BFAR: variants seen among roughly 807,000 people sequenced by gnomAD.
BFAR encodes the protein RING finger protein 47.
A neutral mutation model predicts 54.4 loss-of-function variants in BFAR; 52 were observed. That is an observed-to-expected ratio of 0.96 (90% CI 0.77 to 1.21). The LOEUF is 1.21. Among genes scored for constraint, BFAR ranks in the 50% most tolerant of loss-of-function variants. The pLI is 0.00. For missense variants in BFAR, 571 were observed against 534.0 expected (o/e 1.07, Z -0.68); for synonymous variants, 215 against 204.3 (o/e 1.05, Z -0.45).
intron 2 of BFAR, among the ~76,000 whole-genome samples, chr16:14,645,135 G>A (rs1383013904): frequency 1.3e-5 from 2 of 152,042 alleles, no homozygotes; most frequent in Admixed American, 6.6e-5. Context: ...GCAACACGGT[G>A]AGTCCTTATC....
chr16:14,664,177 C>G (rs1469489946), intron 6 of BFAR, among the ~76,000 whole-genome samples: 2 of 151,946 alleles, frequency 1.3e-5, no homozygotes, highest in Non-Finnish European at 2.9e-5. Context: ...TGGTGGATCC[C>G]CAGACTCAGG....
At position 14,649,858 on chromosome 16, in the gene BFAR, G is replaced by C; in HGVS notation, c.523G>C (p.Val175Leu). The change falls in exon 4 of 8, where the codon GTC (valine) becomes CTC (leucine). Residue 175 changes from valine to leucine, a missense_variant. By Grantham distance (32) the Val-to-Leu change is conservative (BLOSUM62 1). Transcript: ENST00000261658. ...SSRESEHDLLVHKAVAKWTAE... is the reference protein window; with the variant it reads ...SSRESEHDLLLHKAVAKWTAE... ...CAGGGAATCTGAACACGACCTCCTG[G>C]TCCACAAGGCTGTGGCCAAATGGAC... 1.9e-6 allele frequency: 3 copies of C among 1,612,878 alleles called. No individual in the cohort carries two copies. The highest frequency in any genetic ancestry group is 4.5e-5 in the East Asian group (2 of 44,826).
At chr16:14,661,749 G>T in intron 5 of BFAR, 143 bp from the exon 6 acceptor site, 2 of 874,362 alleles carry the variant, frequency 2.3e-6, no homozygotes, top group Non-Finnish European at 1.8e-6. Flanking sequence ...GGATCACTTG[G>T]CCTCTTCTTG....
chr16:14,662,253 A>G (rs1456955973), intron 6 of BFAR, among the ~76,000 whole-genome samples, 188 bp downstream of exon 6: 1 of 152,148 alleles, frequency 6.6e-6, no homozygotes, highest in Non-Finnish European at 1.5e-5. Context: ...ACCTGTTCAT[A>G]TCAAGTCACA....
Position 14,649,905 on chromosome 16 carries a change from G to T in BFAR, c.570G>T (p.Trp190Cys), listed in dbSNP as rs767714613. ...AKWTAEEVVL[W>C]LEQLGPWASL... ...GGACGGCGGAAGAAGTTGTCCTCTGGCTGGAGCAGCTGGGCCCTTGGGCAT... is the reference window on the plus strand; with the variant it reads ...GGACGGCGGAAGAAGTTGTCCTCTGTCTGGAGCAGCTGGGCCCTTGGGCAT... Residue 190 changes from tryptophan (W) to cysteine (C), a missense_variant, in exon 4 of 8, where the codon TGG (tryptophan) becomes TGT (cysteine). Coordinates refer to ENST00000261658, the MANE Select transcript of BFAR (RefSeq NM_016561.3). 2 of 1,613,756 alleles carry T rather than the reference G, an allele frequency of 1.2e-6. No homozygotes were observed. Among genetic ancestry groups the T allele is most frequent in the South Asian group, 2.2e-5 (2 of 90,952 alleles).
Position 14,667,926 on chromosome 16 carries a change from C to A in BFAR, c.*99C>A. ...GGGAGCGGACTTCCTATTTTCTACC[C>A]TCAGTAAAACAAGGTGCTGCTTTGT... On this transcript the variant is annotated 3_prime_UTR_variant, in exon 8 of 8. Coordinates refer to ENST00000261658, the MANE Select transcript of BFAR (RefSeq NM_016561.3). 1 of 1,260,274 alleles carries A rather than the reference C, an allele frequency of 7.9e-7. No homozygotes were observed. The highest frequency in any genetic ancestry group is 1.4e-5 in the South Asian group (1 of 72,212). The allele number at this position is 1,260,274 out of a possible 1,614,324, so 78.1% of individuals were successfully genotyped here.
chr16:14,651,376 A>T (rs1229111455), intron 4 of BFAR, among the ~76,000 whole-genome samples: 2 of 152,200 alleles, frequency 1.3e-5, no homozygotes, highest in African/African-American at 4.8e-5. Context: ...GGTATGGGGG[A>T]AGGGGCACAG....
At chr16:14,634,707 T>C (rs1959378565) in intron 1 of BFAR, among the ~76,000 whole-genome samples, 1 of 152,148 alleles carries the variant, frequency 6.6e-6, no homozygotes, top group Non-Finnish European at 1.5e-5. Flanking sequence ...CCCTTCGAAG[T>C]TGACATGATT....
Position 14,644,418 on chromosome 16 carries a change from C to G in BFAR, c.72C>G (p.Gly24=). 1 of 1,613,898 alleles carries G rather than the reference C, an allele frequency of 6.2e-7. No homozygotes were observed. Among genetic ancestry groups the G allele is most frequent in the Non-Finnish European group, 8.5e-7 (1 of 1,179,882 alleles). Residue 24 remains glycine (G), a synonymous_variant, in exon 2 of 8, where the codon GGC becomes GGG. Coordinates refer to ENST00000261658, the MANE Select transcript of BFAR (RefSeq NM_016561.3). ...GAGATGAACCTCTCAAAAGCACCGGCCCTCAGATTTCTGTTAGTGAATTTT... is the reference window on the plus strand; with the variant it reads ...GAGATGAACCTCTCAAAAGCACCGGGCCTCAGATTTCTGTTAGTGAATTTT... ...LERDEPLKST[G]PQISVSEFSC... is the part of the protein sequence containing the mutation.
intron 5 of BFAR, among the ~76,000 whole-genome samples, chr16:14,659,689 T>C (rs1163365020): frequency 1.3e-5 from 2 of 152,014 alleles, no homozygotes; most frequent in African/African-American, 2.4e-5. Context: ...TAGCTGGGAC[T>C]ACAGGCACCC....
intron 5 of BFAR, among the ~76,000 whole-genome samples, chr16:14,659,225 G>GTTTTTTTTTTTTTTTTTTT (rs1295639386): frequency 7.1e-6 from 1 of 141,304 alleles, no homozygotes; most frequent in Non-Finnish European, 1.6e-5. Flanking sequence ...ATGCAATTTG[G>GTTTTTTTTTTTTTTTTTTT]TTTTTTTTGT....
In BFAR at chr16:14,649,908, G is replaced by A. The variant is rs947646734; in HGVS notation, c.573G>A (p.Leu191=). 8.7e-6 allele frequency: 14 copies of A among 1,613,586 alleles called. No individual in the cohort carries two copies. In the African/African-American group the frequency reaches 1.6e-4, roughly 18 times the overall value. ...KWTAEEVVLW[L]EQLGPWASLY... ...CGGCGGAAGAAGTTGTCCTCTGGCTGGAGCAGCTGGGCCCTTGGGCATCTC... is the reference window on the plus strand; with the variant it reads ...CGGCGGAAGAAGTTGTCCTCTGGCTAGAGCAGCTGGGCCCTTGGGCATCTC... The change falls in exon 4 of 8, where the codon CTG becomes CTA. Residue 191 remains leucine, a synonymous_variant. Coordinates refer to ENST00000261658, the MANE Select transcript of BFAR (RefSeq NM_016561.3).
chr16:14,656,844 T>C (rs1960142986), intron 5 of BFAR, among the ~76,000 whole-genome samples: 1 of 152,048 alleles, frequency 6.6e-6, no homozygotes. Context: ...AACAAAGTCC[T>C]GTAATCCCAG....
chr16:14,662,522 T>G (rs1043323339), intron 6 of BFAR, among the ~76,000 whole-genome samples: 3 of 152,124 alleles, frequency 2.0e-5, no homozygotes, highest in African/African-American at 4.8e-5. Context: ...TAATTTTATT[T>G]ATTGATTGAT....
At chr16:14,640,687 C>G (rs1007860208) in intron 1 of BFAR, among the ~76,000 whole-genome samples, 1 of 152,154 alleles carries the variant, frequency 6.6e-6, no homozygotes, top group African/African-American at 2.4e-5. Flanking sequence ...GATGCGTCAC[C>G]GTGGTGAGGC....
In BFAR at chr16:14,668,006, A is replaced by T; in HGVS notation, c.*179A>T. The T allele has an allele frequency of 3.2e-6, 2 of 634,158 alleles. No homozygotes were observed. Among genetic ancestry groups the T allele is most frequent in the South Asian group, 4.3e-5 (2 of 46,824 alleles). 39.3% of individuals were successfully genotyped at this position (634,158 alleles called of 1,614,324 possible). ...CCCTCAGCCTGTGGGTGGCACGAGC[A>T]AGGACTGACATCCGCACAGGGAGGA... On this transcript the variant is annotated 3_prime_UTR_variant, in exon 8 of 8. Coordinates refer to ENST00000261658, the MANE Select transcript of BFAR (RefSeq NM_016561.3).
At chr16:14,634,532 T>C (rs962566924) in intron 1 of BFAR, among the ~76,000 whole-genome samples, 3 of 152,226 alleles carry the variant, frequency 2.0e-5, no homozygotes, top group African/African-American at 7.2e-5. Flanking sequence ...GTTTGTCATC[T>C]AAACCTCACA....
rs1040105800 is a variant in BFAR, at chr16:14,655,103, A to T, written c.676A>T (p.Thr226Ser). The part of the protein sequence containing the change: ...LTLTEEEFSK[T>S]PYTIENSSHR... ...TTTGACAGAGGAAGAATTTTCCAAG[A>T]CGCCCTATACCATAGAAAACAGCAG... Residue 226 changes from threonine (T) to serine (S), a missense_variant, in exon 5 of 8, where the codon ACG becomes TCG. Transcript: ENST00000261658. 8.1e-6 allele frequency: 13 copies of T among 1,610,346 alleles called. No homozygotes were observed. Among genetic ancestry groups the T allele is most frequent in the Middle Eastern group, 1.7e-4 (1 of 6,050 alleles).
intron 6 of BFAR, among the ~76,000 whole-genome samples, chr16:14,663,730 T>A (rs1415929964): frequency 6.6e-6 from 1 of 151,506 alleles, no homozygotes; most frequent in African/African-American, 2.4e-5. Context: ...GAGGAGGGAG[T>A]GTTTGTAATT....
Sources: gnomAD v4.1 joint callset for allele counts (sites outside exome capture counted in the v4.1 genomes callset) on GRCh38, gnomAD v4.1.1 for gene constraint, MANE v1.5 for transcripts, NCBI Gene and HGNC (gene_info 2026-07-23, HGNC 2026-07-21) for gene names.